The following ETV5 variants were observed in gnomAD, a reference collection of about 807,000 sequenced individuals.
ETV5 encodes the protein ETS variant transcription factor 5, also known as ETS translocation variant 5.
ETV5 carries 10 observed loss-of-function variants against 70.0 expected under a neutral mutation model. The ratio of observed to expected loss-of-function variants is 0.14; its 90% CI spans 0.09 to 0.24. ETV5 has a LOEUF of 0.24. ETV5 is among the 10% of genes least tolerant of loss of function. ETV5 has a pLI of 1.00. For missense variants in ETV5, 453 were observed against 651.2 expected (o/e 0.70, Z 3.31); for synonymous variants, 216 against 242.2 (o/e 0.89, Z 1.01).
At chr3:186,078,664 G>A (rs565555095) in intron 7 of ETV5, among the ~76,000 whole-genome samples, 10 of 152,096 alleles carry the variant, frequency 6.6e-5, no homozygotes, top group South Asian at 4.2e-4. Context: ...ATGAGTCCCC[G>A]GTGGCAATAG....
At chr3:186,084,299 A>AAAAAAAAAAAAC in intron 5 of ETV5, 1 of 410,014 alleles carries the variant, frequency 2.4e-6, no homozygotes, top group Admixed American at 3.5e-5. Flanking sequence ...AAAAAAAAAA[A>AAAAAAAAAAAAC]AAAAAAGTTG....
chr3:186,078,263 T>G (rs1262456984), intron 7 of ETV5: 1 of 958,742 alleles, frequency 1.0e-6, no homozygotes, highest in East Asian at 5.4e-5. Flanking sequence ...TAAAGGAATT[T>G]TCTTTTACAG....
intron 5 of ETV5, among the ~76,000 whole-genome samples, chr3:186,097,021 T>TAATC (rs1009535990): frequency 2.0e-5 from 3 of 152,080 alleles, no homozygotes; most frequent in African/African-American, 7.2e-5. Flanking sequence ...CTTGGCCAAT[T>TAATC]AATCAATCAA....
chr3:186,083,906 A>G (rs1409078129), intron 5 of ETV5, among the ~76,000 whole-genome samples: 1 of 152,132 alleles, frequency 6.6e-6, no homozygotes, highest in Non-Finnish European at 1.5e-5. Context: ...GTGGTGAGGA[A>G]CAAGGCTCAG....
At chr3:186,092,055 A>G (rs1209377484) in intron 5 of ETV5, among the ~76,000 whole-genome samples, 1 of 152,178 alleles carries the variant, frequency 6.6e-6, no homozygotes, top group Non-Finnish European at 1.5e-5. Context: ...CAAGCTGAGG[A>G]ATTTTGTTGG....
At chr3:186,079,199 GAGA>G (rs1713870965) in intron 7 of ETV5, 1 of 601,634 alleles carries the variant, frequency 1.7e-6, no homozygotes, top group South Asian at 7.8e-5. Context: ...GGAGTGTGCA[GAGA>G]AGGTTCCCTT....
chr3:186,079,148 A>C lies in ETV5; in HGVS notation c.650+669T>G, dbSNP rs536763124. 5.0e-6 allele frequency: 5 copies of C among 991,738 alleles called. No individual in the cohort carries two copies. In the East Asian group the frequency reaches 2.5e-4, roughly 50 times the overall value. 61.4% of individuals were successfully genotyped at this position (991,738 alleles called of 1,614,324 possible). A position where few individuals can be genotyped will look rare whatever the true frequency, so the allele number is the denominator to read the frequency against. ...TCTTCTATAAAAGAAGGCCACAAGCATCCGAGATTCTAGAATACCACAGAT... is the reference window on the plus strand; with the variant it reads ...TCTTCTATAAAAGAAGGCCACAAGCCTCCGAGATTCTAGAATACCACAGAT... On this transcript the variant is annotated intron_variant, in intron 7 of 12. Coordinates refer to ENST00000306376, the MANE Select transcript of ETV5 (RefSeq NM_004454.3).
intron 7 of ETV5, among the ~76,000 whole-genome samples, chr3:186,069,520 TAA>T (rs142248661): frequency 6.8e-6 from 1 of 147,512 alleles, no homozygotes; most frequent in African/African-American, 2.5e-5. Context: ...TTTTTTTTTT[TAA>T]AAAAAGTCTA....
In ETV5 at chr3:186,064,424, G is replaced by A. The variant is rs2150144356; in HGVS notation, c.963C>T (p.Ser321=). ...SYMRGGYFSS[S]HEGFSYEKDP... ...GAAAAGCAGGTTCCTTACCTTCATG[G>A]CTGCTGGAGAAATAACCCCCTCTCA... The change falls in exon 9 of 13, where the codon AGC becomes AGT. Residue 321 remains serine (S), a synonymous_variant. Coordinates refer to ENST00000306376, the MANE Select transcript of ETV5 (RefSeq NM_004454.3). 3 of 1,614,132 alleles carry A rather than the reference G, an allele frequency of 1.9e-6. No homozygotes were observed. Among genetic ancestry groups the A allele is most frequent in the Non-Finnish European group, 2.5e-6 (3 of 1,179,996 alleles).
rs755564616 is a variant in ETV5, at chr3:186,057,379, T to G, written c.1039+44A>C. On this transcript the variant is annotated intron_variant, in intron 10 of 12. Transcript: ENST00000306376. This position sits in a 1 kb window ranked among gnomAD's most constrained non-coding sequence, Gnocchi z 4.9. The stretch of plus-strand genomic sequence containing the variant: ...GTCATGGCTGAGGTGTTCTGACACC[T>G]CCAAACCTCTACCTGGCAACAAACC... 1.2e-6 allele frequency: 2 copies of G among 1,610,504 alleles called. No homozygotes were observed. The highest frequency in any genetic ancestry group is 1.7e-4 in the Middle Eastern group (1 of 6,058).
chr3:186,066,001 G>C lies in ETV5; in HGVS notation c.722C>G (p.Pro241Arg), dbSNP rs375653150. ...PQPGVPGDNR[P>R]SYHRQMSEPI... ...TTCTGACATTTGCCGATGGTAACTGGGGCGATTATCTCCAGGAACTCCTGG... is the reference window on the plus strand; with the variant it reads ...TTCTGACATTTGCCGATGGTAACTGCGGCGATTATCTCCAGGAACTCCTGG... The change falls in exon 8 of 13, where the codon CCC becomes CGC. Residue 241 changes from proline to arginine, a missense_variant. Physicochemically the swap from Pro to Arg is moderately radical, Grantham distance 103 (BLOSUM62 -2). Around this residue, in one of 4 missense-constraint regions of ETV5, gnomAD observed 307 missense variants for 344.9 expected, o/e 0.89. Transcript: ENST00000306376. 5.0e-6 allele frequency: 8 copies of C among 1,611,180 alleles called. No individual in the cohort carries two copies. The highest frequency in any genetic ancestry group is 6.8e-6 in the Non-Finnish European group (8 of 1,178,628).
intron 5 of ETV5, among the ~76,000 whole-genome samples, chr3:186,102,219 TAC>T (rs1441772430): frequency 1.4e-4 from 22 of 152,224 alleles, no homozygotes; most frequent in African/African-American, 4.3e-4. Context: ...ATAAAAATAT[TAC>T]CTACATTTCT....
At chr3:186,077,807 G>A (rs768248375) in intron 7 of ETV5, among the ~76,000 whole-genome samples, 162 of 152,168 alleles carry the variant, frequency 1.1e-3, no homozygotes, top group Non-Finnish European at 1.9e-3. Context: ...GTTTGTAATC[G>A]ATTTGGTCAC....
rs1553790540 is a variant in ETV5 at position 186,109,010 on chromosome 3, G to GGGCTGGGC, written c.-146_-145insGCCCAGCC. The GGGCTGGGC allele has an allele frequency of 1.3e-5, 2 of 153,502 alleles. No homozygotes were observed. The highest frequency in any genetic ancestry group is 2.4e-5 in the African/African-American group (1 of 41,444). 9.5% of individuals were successfully genotyped at this position (153,502 alleles called of 1,614,324 possible). A position where few individuals can be genotyped will look rare whatever the true frequency, so the allele number is the denominator to read the frequency against. ...GGCGCGCTCACGCACGCGCGCAGCG[G>GGGCTGGGC]GCCTGGGCGCCTGGGCGAAAGGCTG... On this transcript the variant is annotated 5_prime_UTR_variant, in exon 1 of 13. Transcript: ENST00000306376.
chr3:186,107,014 C>A (rs1471387034), intron 1 of ETV5: 1 of 934,038 alleles, frequency 1.1e-6, no homozygotes, highest in African/African-American at 1.8e-5. Context: ...CAATTTTAAA[C>A]AGGAAACTTT....
At chr3:186,071,078 C>A (rs1390533262) in intron 7 of ETV5, among the ~76,000 whole-genome samples, 1 of 152,176 alleles carries the variant, frequency 6.6e-6, no homozygotes, top group Non-Finnish European at 1.5e-5. Context: ...CGCCTTTCCT[C>A]CCACGAGCTC....
At chr3:186,092,575 G>A (rs1043590946) in intron 5 of ETV5, among the ~76,000 whole-genome samples, 2 of 151,964 alleles carry the variant, frequency 1.3e-5, no homozygotes, top group Non-Finnish European at 2.9e-5. Flanking sequence ...TGGGACCACC[G>A]GTGCCTGCCA....
rs184049610 is a variant in ETV5 at position 186,105,880 on chromosome 3, C to T, written c.-12G>A. Reference sequence around the variant, plus strand: ...TAAAACCCGTCCATGGTGCTTTCAGCGTCTCTAATACCACTTTGAGAGGTT... The same window carrying T: ...TAAAACCCGTCCATGGTGCTTTCAGTGTCTCTAATACCACTTTGAGAGGTT... On this transcript the variant is annotated 5_prime_UTR_variant, in exon 2 of 13. Transcript: ENST00000306376. This position sits in a 1 kb window ranked among gnomAD's most constrained non-coding sequence, Gnocchi z 4.5. 3.3e-5 allele frequency: 53 copies of T among 1,613,624 alleles called. No homozygotes were observed. The African/African-American group carries it at 6.1e-4, about 19-fold the overall frequency.
Position 186,057,352 on chromosome 3 carries a change from G to C in ETV5, c.1039+71C>G. 6.2e-7 allele frequency: 1 copy of C among 1,605,040 alleles called. No individual in the cohort carries two copies. The highest frequency in any genetic ancestry group is 8.5e-7 in the Non-Finnish European group (1 of 1,172,132). ...GATTTAATCACTGGACTTGGGAAGAGAGTCATGGCTGAGGTGTTCTGACAC... is the reference window on the plus strand; with the variant it reads ...GATTTAATCACTGGACTTGGGAAGACAGTCATGGCTGAGGTGTTCTGACAC... On this transcript the variant is annotated intron_variant, in intron 10 of 12. Transcript: ENST00000306376. The surrounding 1 kb of genome is among the most constrained non-coding windows in gnomAD (Gnocchi z 4.9).
Sources: allele counts gnomAD v4.1 joint callset (sites outside exome capture counted in the v4.1 genomes callset), GRCh38; gene constraint gnomAD v4.1.1; regional missense constraint gnomAD v4.1.1; non-coding constraint Gnocchi (gnomAD v3.1); transcripts MANE v1.5; gene names NCBI Gene and HGNC (gene_info 2026-07-23, HGNC 2026-07-21).